The following TRERF1 variants were observed in gnomAD, a reference collection of about 807,000 sequenced individuals.
TRERF1 encodes transcriptional regulating factor 1.
A neutral mutation model predicts 122.9 loss-of-function variants in TRERF1; 27 were observed. The observed-to-expected ratio is 0.22, with a 90% CI of 0.16 to 0.30. The LOEUF (loss-of-function observed/expected upper bound fraction) is 0.30. TRERF1 is among the 10% of genes least tolerant of loss of function. TRERF1 has a pLI of 1.00. For missense variants in TRERF1, 1,248 were observed against 1,560.3 expected (o/e 0.80, Z 3.37); for synonymous variants, 636 against 641.7 (o/e 0.99, Z 0.13).
rs1366817965 is a variant in TRERF1 at position 42,232,063 on chromosome 6, CTGT to C, written c.3278+615_3278+617del. Among the ~76,000 whole-genome samples, 8 of 152,074 alleles carry C rather than the reference CTGT, an allele frequency of 5.3e-5. No homozygotes were observed. Among genetic ancestry groups the C allele is most frequent in the African/African-American group, 1.9e-4 (8 of 41,420 alleles). ...CTATCTCGTTACTTTTTTTCTTTAG[CTGT>C]TGTTGTTTTTTAAATTATACCTAAA... On this transcript the variant is annotated intron_variant, in intron 17 of 17. Coordinates refer to ENST00000372922, the Ensembl canonical transcript of TRERF1. This position sits in a 1 kb window ranked among gnomAD's most constrained non-coding sequence, Gnocchi z 4.5.
At chr6:42,257,338 T>C (rs1424806976) in intron 10 of TRERF1, among the ~76,000 whole-genome samples, 1 of 152,182 alleles carries the variant, frequency 6.6e-6, no homozygotes, top group Non-Finnish European at 1.5e-5. Flanking sequence ...CCTGGGGCTT[T>C]TACAGCTCCC....
At chr6:42,301,821 A>AC (rs1258435284) in intron 3 of TRERF1, among the ~76,000 whole-genome samples, 2 of 152,188 alleles carry the variant, frequency 1.3e-5, no homozygotes, top group Non-Finnish European at 2.9e-5. Context: ...CACATTGCAC[A>AC]CCTTTCCTAA....
chr6:42,315,267 A>G (rs970677359), intron 3 of TRERF1, among the ~76,000 whole-genome samples: 3 of 152,208 alleles, frequency 2.0e-5, no homozygotes, highest in Non-Finnish European at 2.9e-5. Context: ...AACATCTTAC[A>G]ATGTGCAGGA....
intron 2 of TRERF1, among the ~76,000 whole-genome samples, chr6:42,438,193 A>G (rs1265793034): frequency 6.7e-6 from 1 of 150,334 alleles, no homozygotes; most frequent in Non-Finnish European, 1.5e-5. Context: ...AAGTGCTGGG[A>G]TTACAAGAGT....
intron 3 of TRERF1, among the ~76,000 whole-genome samples, chr6:42,323,668 C>A (rs1335250579): frequency 6.9e-6 from 1 of 144,782 alleles, no homozygotes; most frequent in Non-Finnish European, 1.5e-5. Flanking sequence ...TGATAAGCAC[C>A]CAGTGAAAAA....
rs1778661704 is a variant in TRERF1 at position 42,263,680 on chromosome 6, C to T, written c.1636-112G>A. The stretch of plus-strand genomic sequence containing the variant: ...ACATCAGGTATGGGTGATAGAGAAC[C>T]GCTGCAGGGCGATTTCCTTCCTGCA... On this transcript the variant is annotated intron_variant, in intron 7 of 17. Coordinates refer to ENST00000372922, the Ensembl canonical transcript of TRERF1. This position sits in a 1 kb window ranked among gnomAD's most constrained non-coding sequence, Gnocchi z 5.6. 4.6e-6 allele frequency: 6 copies of T among 1,303,848 alleles called. No individual in the cohort carries two copies. The highest frequency in any genetic ancestry group is 5.8e-5 in the South Asian group (2 of 34,456). 80.8% of individuals were successfully genotyped at this position (1,303,848 alleles called of 1,614,324 possible).
chr6:42,437,650 G>A (rs1785701047), intron 2 of TRERF1, among the ~76,000 whole-genome samples: 1 of 152,078 alleles, frequency 6.6e-6, no homozygotes, highest in Non-Finnish European at 1.5e-5. Context: ...CTGGTAAGGC[G>A]AAATGGGAGG....
chr6:42,271,057 C>A (rs71560752), intron 4 of TRERF1, among the ~76,000 whole-genome samples: 24,416 of 151,384 alleles, frequency 0.16, 2,307 homozygotes, highest in Non-Finnish European at 0.22. Flanking sequence ...TGGTGGCAGG[C>A]GCTTGTAATC....
chr6:42,439,328 C>T (rs180929875), intron 2 of TRERF1, among the ~76,000 whole-genome samples: 20 of 152,268 alleles, frequency 1.3e-4, no homozygotes. Flanking sequence ...CTCACCTCTC[C>T]AGCCTCATCA....
chr6:42,329,791 C>T (rs758201485), intron 3 of TRERF1, among the ~76,000 whole-genome samples: 42 of 152,004 alleles, frequency 2.8e-4, no homozygotes, highest in Non-Finnish European at 1.8e-4. Flanking sequence ...GAGTTTGAGA[C>T]CAGCCTAGCC....
chr6:42,449,337 G>A (rs1006602077), intron 2 of TRERF1, among the ~76,000 whole-genome samples: 1 of 152,226 alleles, frequency 6.6e-6, no homozygotes, highest in African/African-American at 2.4e-5. Flanking sequence ...GCCCAGAGAG[G>A]TGTGTCACTC....
At chr6:42,320,463 C>G (rs1231827527) in intron 3 of TRERF1, among the ~76,000 whole-genome samples, 1 of 151,776 alleles carries the variant, frequency 6.6e-6, no homozygotes, top group Non-Finnish European at 1.5e-5. Flanking sequence ...TCATTTATAC[C>G]CTCTCCATTT....
At chr6:42,280,823 GAGAAA>G (rs760018274) in intron 4 of TRERF1, among the ~76,000 whole-genome samples, 9 of 152,216 alleles carry the variant, frequency 5.9e-5, no homozygotes, top group Non-Finnish European at 1.2e-4. Flanking sequence ...GGGAGCTGCA[GAGAAA>G]GTCTGTCAGG....
intron 4 of TRERF1, among the ~76,000 whole-genome samples, chr6:42,285,988 G>A (rs538666122): frequency 1.3e-5 from 2 of 151,168 alleles, no homozygotes; most frequent in African/African-American, 4.8e-5. Flanking sequence ...AAATAACGCC[G>A]CATATCTACA....
At chr6:42,441,659 G>A (rs1786538985) in intron 2 of TRERF1, among the ~76,000 whole-genome samples, 1 of 150,616 alleles carries the variant, frequency 6.6e-6, no homozygotes, top group Non-Finnish European at 1.5e-5. Flanking sequence ...GAAAACCAGA[G>A]GTTTAAAAAA....
intron 4 of TRERF1, among the ~76,000 whole-genome samples, chr6:42,280,164 G>A (rs904520170): frequency 3.9e-5 from 6 of 152,010 alleles, no homozygotes; most frequent in South Asian, 2.1e-4. Context: ...CAAGCTTTTC[G>A]CTTTTAAGAT....
chr6:42,265,687 TGAGAGACACCCCA>T, intron 6 of TRERF1, 51 bp downstream of exon 6: 1 of 1,509,480 alleles, frequency 6.6e-7, no homozygotes, highest in Non-Finnish European at 9.1e-7. Flanking sequence ...AAATGAATCA[TGAGAGACACCCCA>T]GAAAATCCTC....
intron 3 of TRERF1, among the ~76,000 whole-genome samples, chr6:42,334,151 A>G (rs1484340353): frequency 6.6e-6 from 1 of 151,412 alleles, no homozygotes; most frequent in African/African-American, 2.4e-5. Context: ...CAAATATAGA[A>G]ATCTAAAAAT....
Position 42,273,724 on chromosome 6 carries a change from T to G in TRERF1, c.-258-3876A>C, listed in dbSNP as rs116267305. Among the ~76,000 whole-genome samples the G allele has an allele frequency of 9.4e-4, 143 of 152,334 alleles. 1 individual carries two copies. Among genetic ancestry groups the G allele is most frequent in the African/African-American group, 3.4e-3 (140 of 41,582 alleles). On this transcript the variant is annotated intron_variant, in intron 4 of 17. Coordinates refer to ENST00000372922, the Ensembl canonical transcript of TRERF1. ...CTTAAAGTGACATCCAACAGTATTA[T>G]CCTTTGGGCATTAGGCCTGGCTATT...
Sources: gnomAD v4.1 joint callset for allele counts (sites outside exome capture counted in the v4.1 genomes callset) on GRCh38, gnomAD v4.1.1 for gene constraint, Gnocchi (gnomAD v3.1) non-coding constraint, MANE v1.5 for transcripts, NCBI Gene and HGNC (gene_info 2026-07-23, HGNC 2026-07-21) for gene names.